SLC25A48: variants seen among roughly 807,000 people sequenced by gnomAD.
SLC25A48 encodes the protein CTC-321K16.1.
SLC25A48 carries 29 observed loss-of-function variants against 32.2 expected under a neutral mutation model. That is an observed-to-expected ratio of 0.90 (90% CI 0.67 to 1.23). The LOEUF (loss-of-function observed/expected upper bound fraction) is 1.23, where lower values mean the gene tolerates loss of function less well. SLC25A48 is among the 50% of genes most tolerant of loss of function. The probability of loss-of-function intolerance (pLI) is 0.00; values close to 1 mark genes in which losing one functional copy is unlikely to be tolerated. For synonymous variants in SLC25A48, 164 were observed against 172.3 expected (o/e 0.95, Z 0.38); for missense variants, 399 against 422.7 (o/e 0.94, Z 0.49).
intron 2 of SLC25A48, among the ~76,000 whole-genome samples, chr5:135,849,751 G>A (rs1759684915): frequency 6.6e-6 from 1 of 152,174 alleles, no homozygotes; most frequent in Non-Finnish European, 1.5e-5. Context: ...GAACAGCAGG[G>A]GCAGCTGGCT....
chr5:135,796,012 G>C lies in SLC25A48; in HGVS notation c.-520-16511G>C, dbSNP rs1390940419. ...TAATATTACTCCCAGTATCGCGAGG[G>C]GGGGGTGGGTGTAACTGCCCACTTA... On this transcript the variant is annotated intron_variant, in intron 3 of 10. Coordinates refer to the SLC25A48 transcript ENST00000646290. Among the ~76,000 whole-genome samples, 2 of 139,174 alleles carry C rather than the reference G, an allele frequency of 1.4e-5. 1 individual carries two copies. The highest frequency in any genetic ancestry group is 1.4e-4 in the Admixed American group (2 of 13,826). 91.3% of individuals were successfully genotyped at this position (139,174 alleles called of 152,430 possible). A position where few individuals can be genotyped will look rare whatever the true frequency, so the allele number is the denominator to read the frequency against.
chr5:135,784,274 C>T (rs1188277353), intron 3 of SLC25A48, among the ~76,000 whole-genome samples: 1 of 117,082 alleles, frequency 8.5e-6, no homozygotes, highest in Non-Finnish European at 2.1e-5. Context: ...GTACACCCCA[C>T]CTGTGATATG....
At chr5:135,798,560 G>C (rs1443198935) in intron 3 of SLC25A48, among the ~76,000 whole-genome samples, 2 of 151,510 alleles carry the variant, frequency 1.3e-5, no homozygotes, top group Non-Finnish European at 3.0e-5. Flanking sequence ...CCCCCCTTGT[G>C]ATATTGTTCC....
chr5:135,775,706 A>T (rs75285412), intron 3 of SLC25A48, among the ~76,000 whole-genome samples: 2,358 of 151,620 alleles, frequency 0.016, 45 homozygotes, highest in African/African-American at 0.044. Flanking sequence ...ACCCTTTGTG[A>T]TATTGTTCTT....
chr5:135,646,417 G>C (rs1014261372), intron 3 of SLC25A48, among the ~76,000 whole-genome samples: 1 of 151,890 alleles, frequency 6.6e-6, no homozygotes, highest in East Asian at 1.9e-4. Context: ...CCTTATCTCT[G>C]TTCCTTCAAG....
chr5:135,669,805 G>C (rs908201453), intron 3 of SLC25A48, among the ~76,000 whole-genome samples: 3 of 152,174 alleles, frequency 2.0e-5, no homozygotes, highest in Non-Finnish European at 4.4e-5. Context: ...TGTTCCCTGG[G>C]CAATGGTGCC....
chr5:135,581,568 T>C (rs1751235701), intron 1 of SLC25A48, among the ~76,000 whole-genome samples: 1 of 152,268 alleles, frequency 6.6e-6, no homozygotes, highest in Non-Finnish European at 1.5e-5. Flanking sequence ...TGTTGATTGA[T>C]TAACTGGGAT....
intron 3 of SLC25A48, among the ~76,000 whole-genome samples, chr5:135,803,752 C>A (rs1291458890): frequency 6.6e-6 from 1 of 151,298 alleles, no homozygotes; most frequent in African/African-American, 2.4e-5. Flanking sequence ...AATAGGATAT[C>A]GCCCTGTGTG....
intron 2 of SLC25A48, among the ~76,000 whole-genome samples, chr5:135,849,518 C>T (rs1041003441): frequency 9.9e-5 from 15 of 152,178 alleles, no homozygotes; most frequent in African/African-American, 3.6e-4. Flanking sequence ...TCAGAGGCCA[C>T]CACACATTAG....
intron 1 of SLC25A48, among the ~76,000 whole-genome samples, chr5:135,626,139 C>T (rs1175099052): frequency 6.6e-6 from 1 of 152,248 alleles, no homozygotes; most frequent in African/African-American, 2.4e-5. Context: ...CGCCAAGGGC[C>T]TGAGTCTGCA....
intron 3 of SLC25A48, among the ~76,000 whole-genome samples, chr5:135,696,148 C>A (rs1316320868): frequency 3.9e-5 from 6 of 152,192 alleles, no homozygotes; most frequent in Non-Finnish European, 8.8e-5. Context: ...AGCTCAGTAT[C>A]AAATATCTGG....
intron 3 of SLC25A48, among the ~76,000 whole-genome samples, chr5:135,710,904 A>G (rs1754639639): frequency 6.6e-6 from 1 of 152,202 alleles, no homozygotes; most frequent in Non-Finnish European, 1.5e-5. Flanking sequence ...ATAAAGAAAT[A>G]TTAAGTTCTT....
At chr5:135,778,109 A>G (rs959534796) in intron 3 of SLC25A48, among the ~76,000 whole-genome samples, 3 of 151,572 alleles carry the variant, frequency 2.0e-5, no homozygotes, top group African/African-American at 7.3e-5. Flanking sequence ...AAAGAGGATA[A>G]TATTACTCCC....
intron 3 of SLC25A48, among the ~76,000 whole-genome samples, chr5:135,707,178 T>G (rs1386127565): frequency 6.6e-6 from 1 of 152,110 alleles, no homozygotes; most frequent in Non-Finnish European, 1.5e-5. Flanking sequence ...TCACTTCTGT[T>G]GGGCATGGCC....
intron 3 of SLC25A48, among the ~76,000 whole-genome samples, chr5:135,745,026 A>T (rs1441580373): frequency 6.6e-6 from 1 of 152,162 alleles, no homozygotes; most frequent in Non-Finnish European, 1.5e-5. Flanking sequence ...TGGGCTACAC[A>T]GTGCCGAGAC....
intron 2 of SLC25A48, among the ~76,000 whole-genome samples, chr5:135,846,842 C>G (rs566649360): frequency 4.6e-5 from 7 of 152,206 alleles, no homozygotes; most frequent in African/African-American, 1.4e-4. Flanking sequence ...TAATGCTGCA[C>G]TAAATATTTA....
chr5:135,785,658 C>T (rs1481711250), intron 3 of SLC25A48, among the ~76,000 whole-genome samples: 1 of 150,270 alleles, frequency 6.7e-6, no homozygotes, highest in Non-Finnish European at 1.5e-5. Context: ...TAATGCTCCC[C>T]ATGGGGAGAG....
At chr5:135,871,113 C>T (rs1164934983) in intron 4 of SLC25A48, among the ~76,000 whole-genome samples, 1 of 140,986 alleles carries the variant, frequency 7.1e-6, no homozygotes, top group African/African-American at 2.7e-5. Context: ...ACACACACAG[C>T]ATGTTGGATT....
At chr5:135,728,841 T>TACACACACACACACACACACACAC (rs33918902) in intron 3 of SLC25A48, among the ~76,000 whole-genome samples, 5 of 141,666 alleles carry the variant, frequency 3.5e-5, no homozygotes, top group South Asian at 2.3e-4. Context: ...CATACACAAA[T>TACACACACACACACACACACACAC]ACACACACAC....
Sources: gnomAD v4.1 joint callset for allele counts (sites outside exome capture counted in the v4.1 genomes callset) on GRCh38, gnomAD v4.1.1 for gene constraint, MANE v1.5 for transcripts, NCBI Gene and HGNC (gene_info 2026-07-23, HGNC 2026-07-21) for gene names.